STK32B: variants seen among roughly 807,000 people sequenced by gnomAD.
STK32B encodes the protein serine/threonine-protein kinase 32B.
STK32B carries 43 observed loss-of-function variants against 52.6 expected under a neutral mutation model. The observed-to-expected ratio is 0.82, with a 90% CI of 0.64 to 1.05. STK32B has a LOEUF of 1.05. Ranked by LOEUF, STK32B falls within the 50% of genes least tolerant of loss-of-function variation. STK32B has a pLI of 0.00. For synonymous variants in STK32B, 238 were observed against 204.3 expected (o/e 1.17, Z -1.41); for missense variants, 621 against 534.6 (o/e 1.16, Z -1.59).
intron 3 of STK32B, among the ~76,000 whole-genome samples, chr4:5,176,396 A>G (rs1719899487): frequency 6.8e-6 from 1 of 146,596 alleles, no homozygotes; most frequent in Non-Finnish European, 1.5e-5. Flanking sequence ...CGTTGCTTAC[A>G]TTGGGAGCTG....
rs114400339 is a variant in STK32B, at chr4:5,142,361, C to T, written c.108+2401C>T. Among the ~76,000 whole-genome samples, 515 of 152,250 alleles carry T rather than the reference C, an allele frequency of 3.4e-3. 1 individual carries two copies. The highest frequency in any genetic ancestry group is 0.011 in the African/African-American group (470 of 41,556). On this transcript the variant is annotated intron_variant, in intron 2 of 11. Coordinates refer to ENST00000282908, the MANE Select transcript of STK32B (RefSeq NM_018401.3). The stretch of plus-strand genomic sequence containing the variant: ...CTTCTTACAGAAACCTTTCTAAACA[C>T]GACACATTTGGTATTAATTCACTAA...
In STK32B at chr4:5,386,553, TAAGGA is replaced by T. The variant is rs950414570; in HGVS notation, c.435-11653_435-11649del. On this transcript the variant is annotated intron_variant, in intron 4 of 11. Coordinates refer to ENST00000282908, the MANE Select transcript of STK32B (RefSeq NM_018401.3). The surrounding 1 kb of genome is among the most constrained non-coding windows in gnomAD (Gnocchi z 4.5). Reference sequence around the variant, plus strand: ...CTCTCAGCCTCATTGTCTTCATCTGTAAGGAGAGGGAGAAACACAATTATTTCTTA... The same window carrying T: ...CTCTCAGCCTCATTGTCTTCATCTGTGAGGGAGAAACACAATTATTTCTTA... Among the ~76,000 whole-genome samples, 1 of 152,198 alleles carries T rather than the reference TAAGGA, an allele frequency of 6.6e-6. No individual in the cohort carries two copies. Among genetic ancestry groups the T allele is most frequent in the Non-Finnish European group, 1.5e-5 (1 of 68,028 alleles).
At chr4:5,226,455 T>C (rs1482402433) in intron 3 of STK32B, among the ~76,000 whole-genome samples, 1 of 152,134 alleles carries the variant, frequency 6.6e-6, no homozygotes, top group African/African-American at 2.4e-5. Context: ...AAATGATTCA[T>C]AGGTTTTAAA....
chr4:5,226,579 A>G (rs1048870984), intron 3 of STK32B, among the ~76,000 whole-genome samples: 3 of 152,236 alleles, frequency 2.0e-5, no homozygotes, highest in African/African-American at 4.8e-5. Context: ...CTATCTGCTC[A>G]TTAGTCACTT....
intron 1 of STK32B, among the ~76,000 whole-genome samples, chr4:5,056,737 G>A (rs745363182): frequency 3.4e-4 from 52 of 152,214 alleles, no homozygotes; most frequent in Non-Finnish European, 5.0e-4. Context: ...CTGTGAGCAG[G>A]GAGATTTGAG....
intron 1 of STK32B, among the ~76,000 whole-genome samples, chr4:5,074,199 T>TGC (rs1469221547): frequency 6.6e-6 from 1 of 151,724 alleles, no homozygotes; most frequent in African/African-American, 2.4e-5. Flanking sequence ...TGTGTGTGTG[T>TGC]GTGTGTGTGT....
intron 1 of STK32B, among the ~76,000 whole-genome samples, chr4:5,100,795 C>CTTT (rs2108793682): frequency 7.2e-6 from 1 of 139,044 alleles, no homozygotes; most frequent in Admixed American, 7.2e-5. Context: ...TTCCTTTATT[C>CTTT]CTTCCCCTTC....
intron 4 of STK32B, among the ~76,000 whole-genome samples, chr4:5,333,083 A>AATGG (rs560441613): frequency 0.073 from 11,058 of 152,052 alleles, 824 homozygotes; most frequent in Admixed American, 0.17. Context: ...TGACTTCCAC[A>AATGG]ATGGTTGAAC....
chr4:5,414,304 T>C (rs1453877632), intron 5 of STK32B, among the ~76,000 whole-genome samples: 1 of 152,022 alleles, frequency 6.6e-6, no homozygotes, highest in Admixed American at 6.5e-5. Flanking sequence ...TAATAATATC[T>C]TAAATAATAT....
intron 3 of STK32B, among the ~76,000 whole-genome samples, chr4:5,269,052 G>A (rs1052316126): frequency 7.9e-5 from 12 of 152,106 alleles, no homozygotes; most frequent in African/African-American, 1.2e-4. Flanking sequence ...GAGTAGAAGA[G>A]ACAGAATTGA....
At chr4:5,317,558 T>TATATATAA (rs1200055898) in intron 3 of STK32B, among the ~76,000 whole-genome samples, 2 of 122,874 alleles carry the variant, frequency 1.6e-5, no homozygotes, top group African/African-American at 7.2e-5. Context: ...TATATATATA[T>TATATATAA]AACTTGAAAA....
intron 4 of STK32B, among the ~76,000 whole-genome samples, chr4:5,333,656 AG>A (rs1180716370): frequency 1.3e-5 from 2 of 152,200 alleles, no homozygotes; most frequent in Non-Finnish European, 2.9e-5. Context: ...TTTTTGTATA[AG>A]GTGTAAGGAA....
At chr4:5,074,188 A>ATATGTG (rs375845988) in intron 1 of STK32B, among the ~76,000 whole-genome samples, 2 of 148,800 alleles carry the variant, frequency 1.3e-5, no homozygotes, top group Non-Finnish European at 3.0e-5. Flanking sequence ...AAATATATAT[A>ATATGTG]TGTGTGTGTG....
At chr4:5,484,018 A>C (rs1243101506) in intron 11 of STK32B, among the ~76,000 whole-genome samples, 1 of 152,122 alleles carries the variant, frequency 6.6e-6, no homozygotes, top group African/African-American at 2.4e-5. Flanking sequence ...CTATGTGGTC[A>C]ATTTTGGAAT....
intron 8 of STK32B, among the ~76,000 whole-genome samples, chr4:5,457,740 G>A (rs1241168551): frequency 2.0e-5 from 3 of 151,662 alleles, no homozygotes; most frequent in Admixed American, 2.0e-4. Context: ...AAAGTAGGTG[G>A]CACATGCCTG....
At chr4:5,437,277 C>G (rs561137847) in intron 6 of STK32B, among the ~76,000 whole-genome samples, 2 of 152,354 alleles carry the variant, frequency 1.3e-5, no homozygotes, top group South Asian at 4.1e-4. Flanking sequence ...AATAGAAGTT[C>G]ATTTTCCCAC....
chr4:5,391,757 G>A (rs922658031), intron 4 of STK32B, among the ~76,000 whole-genome samples: 2 of 152,208 alleles, frequency 1.3e-5, no homozygotes, highest in Non-Finnish European at 2.9e-5. Flanking sequence ...CCTGGGACAC[G>A]TGACAACTGT....
intron 3 of STK32B, among the ~76,000 whole-genome samples, chr4:5,285,920 A>G (rs1352367230): frequency 3.9e-5 from 6 of 152,150 alleles, no homozygotes; most frequent in Non-Finnish European, 4.4e-5. Context: ...AGGTTCTTTA[A>G]AGACATAATT....
chr4:5,209,086 C>T (rs1029943678), intron 3 of STK32B, among the ~76,000 whole-genome samples: 1 of 152,206 alleles, frequency 6.6e-6, no homozygotes, highest in African/African-American at 2.4e-5. Context: ...CCAGCTGCCT[C>T]CCCCTCAGCA....
Sources: allele counts gnomAD v4.1 joint callset (sites outside exome capture counted in the v4.1 genomes callset), GRCh38; gene constraint gnomAD v4.1.1; non-coding constraint Gnocchi (gnomAD v3.1); transcripts MANE v1.5; gene names NCBI Gene and HGNC (gene_info 2026-07-23, HGNC 2026-07-21).